LOC400499: variants seen among roughly 807,000 people sequenced by gnomAD.
the LOC400499 span, among the ~76,000 whole-genome samples, chr16:11,522,342 G>A: frequency 6.6e-6 from 1 of 152,160 alleles, no homozygotes; most frequent in South Asian, 2.1e-4. Context: ...GTGTCATCAT[G>A]GGCCAGGCTT....
At chr16:11,390,070 C>A in the LOC400499 span, 2 of 1,206,360 alleles carry the variant, frequency 1.7e-6, no homozygotes, top group East Asian at 6.3e-5. Context: ...ATGTGGCAGG[C>A]ACGCAGGATG....
At chr16:11,425,660 C>T in the LOC400499 span, among the ~76,000 whole-genome samples, 1 of 152,156 alleles carries the variant, frequency 6.6e-6, no homozygotes, top group South Asian at 2.1e-4. Flanking sequence ...TTCAGAAAAT[C>T]TGAACAGCTC....
At chr16:11,457,746 C>A in the LOC400499 span, among the ~76,000 whole-genome samples, 1 of 152,070 alleles carries the variant, frequency 6.6e-6, no homozygotes. Flanking sequence ...TTCACAATAG[C>A]CAAAAAATGG....
the LOC400499 span, among the ~76,000 whole-genome samples, chr16:11,517,179 T>C: frequency 2.6e-5 from 4 of 152,098 alleles, no homozygotes; most frequent in East Asian, 7.7e-4. Flanking sequence ...CTAGCACATC[T>C]CCTGTCTCTT....
chr16:11,483,403 T>C, the LOC400499 span, among the ~76,000 whole-genome samples: 1 of 152,184 alleles, frequency 6.6e-6, no homozygotes, highest in Non-Finnish European at 1.5e-5. Context: ...ACAGCTCGAA[T>C]GTCAATCAAC....
chr16:11,408,451 A>ATTT, the LOC400499 span, among the ~76,000 whole-genome samples: 9,271 of 131,050 alleles, frequency 0.071, 521 homozygotes, highest in Non-Finnish European at 0.11. Context: ...TCAGTGCAGG[A>ATTT]TTTTTTTTTT....
the LOC400499 span, among the ~76,000 whole-genome samples, chr16:11,424,681 T>C: frequency 6.6e-6 from 1 of 152,044 alleles, no homozygotes; most frequent in African/African-American, 2.4e-5. Flanking sequence ...GGGGTCTGAT[T>C]GTGTGTCCTC....
At chr16:11,418,977 C>A in the LOC400499 span, among the ~76,000 whole-genome samples, 1 of 152,134 alleles carries the variant, frequency 6.6e-6, no homozygotes, top group Non-Finnish European at 1.5e-5. Context: ...ACCATCCTGG[C>A]CAACAAGGCA....
At chr16:11,435,593 T>A in the LOC400499 span, 8 of 398,704 alleles carry the variant, frequency 2.0e-5, no homozygotes, top group East Asian at 2.1e-4. Flanking sequence ...ATCTCCCATA[T>A]CCCAGGACAC....
At chr16:11,432,367 A>G in the LOC400499 span, among the ~76,000 whole-genome samples, 1 of 152,260 alleles carries the variant, frequency 6.6e-6, no homozygotes, top group Admixed American at 6.5e-5. Context: ...AGACTCTGAC[A>G]TGCACTGTGC....
At chr16:11,383,800 C>G in the LOC400499 span, 4 of 1,232,068 alleles carry the variant, frequency 3.2e-6, no homozygotes, top group East Asian at 9.5e-5. Context: ...TCAGGGACAC[C>G]GAGTCACTGT....
the LOC400499 span, among the ~76,000 whole-genome samples, chr16:11,479,301 T>A: frequency 0.013 from 2,018 of 152,182 alleles, 16 homozygotes; most frequent in Non-Finnish European, 0.018. Context: ...TATTTTAGGA[T>A]AATTTTAGAT....
the LOC400499 span, among the ~76,000 whole-genome samples, chr16:11,449,845 A>G: frequency 6.6e-6 from 1 of 152,132 alleles, no homozygotes; most frequent in Non-Finnish European, 1.5e-5. Flanking sequence ...CTAGTCCATC[A>G]GCAAATCTGG....
the LOC400499 span, among the ~76,000 whole-genome samples, chr16:11,417,255 C>A: frequency 3.6e-3 from 549 of 152,232 alleles, no homozygotes; most frequent in African/African-American, 0.012. Context: ...GAGACAGGGT[C>A]TCATTCTGTC....
At chr16:11,506,378 G>C in the LOC400499 span, among the ~76,000 whole-genome samples, 1 of 152,190 alleles carries the variant, frequency 6.6e-6, no homozygotes, top group Non-Finnish European at 1.5e-5. Context: ...GGGACATCCG[G>C]AAGTCTACTC....
At chr16:11,383,027 A>ATCATGGCAGGAGGAGAGAGTACAAAG in the LOC400499 span, among the ~76,000 whole-genome samples, 1 of 151,346 alleles carries the variant, frequency 6.6e-6, no homozygotes, top group Non-Finnish European at 1.5e-5. Context: ...GAAGCTTACA[A>ATCATGGCAGGAGGAGAGAGTACAAAG]TCATGGCAGG....
chr16:11,399,884 TC>T, the LOC400499 span: 1 of 398,036 alleles, frequency 2.5e-6, no homozygotes. Context: ...GTTAACGGTG[TC>T]CCCACAGCCA....
chr16:11,499,368 G>T, the LOC400499 span, among the ~76,000 whole-genome samples: 34 of 150,554 alleles, frequency 2.3e-4, no homozygotes, highest in African/African-American at 7.1e-4. Flanking sequence ...GAAGGGGAAG[G>T]AGACAGACAT....
the LOC400499 span, chr16:11,412,951 G>C: frequency 2.5e-6 from 1 of 399,106 alleles, no homozygotes; most frequent in Non-Finnish European, 4.4e-6. Flanking sequence ...CTTGGAACAC[G>C]AGCTGAGGAG....
Sources: gnomAD v4.1 joint callset for allele counts (sites outside exome capture counted in the v4.1 genomes callset) on GRCh38, gnomAD v4.1.1 for gene constraint, MANE v1.5 for transcripts.